The following ATP2A2 variants were observed in gnomAD, a reference collection of about 807,000 sequenced individuals.
ATP2A2 encodes the protein ATPase sarcoplasmic/endoplasmic reticulum Ca2+ transporting 2.
Under a neutral mutation model 109.3 loss-of-function variants are expected in ATP2A2, and 14 were observed. That is an observed-to-expected ratio of 0.13 (90% CI 0.08 to 0.20). The LOEUF (loss-of-function observed/expected upper bound fraction) is 0.20, where lower values mean the gene tolerates loss of function less well. Among genes scored for constraint, ATP2A2 ranks in the 10% least tolerant of loss-of-function variants. The pLI, the probability that ATP2A2 is intolerant of heterozygous loss-of-function variation, is 1.00. For synonymous variants in ATP2A2, 506 were observed against 490.9 expected, an observed-to-expected ratio of 1.03 and a Z score of -0.41; for missense variants, 657 against 1,321.6, an observed-to-expected ratio of 0.50 and a Z score of 7.80.
At chr12:110,338,104 C>G (rs1361327053) in intron 11 of ATP2A2, among the ~76,000 whole-genome samples, 1 of 152,190 alleles carries the variant, frequency 6.6e-6, no homozygotes, top group Non-Finnish European at 1.5e-5. Flanking sequence ...CATTCGAGGT[C>G]TTTGTAGCTG....
At chr12:110,292,483 G>C (rs1442909779) in intron 4 of ATP2A2, among the ~76,000 whole-genome samples, 3 of 151,968 alleles carry the variant, frequency 2.0e-5, no homozygotes, top group African/African-American at 7.3e-5. Context: ...TGGCCAGGCT[G>C]GTCTTGAGCT....
At chr12:110,333,082 TTC>T in intron 9 of ATP2A2, 97 bp from the exon 10 acceptor site, 1 of 1,068,424 alleles carries the variant, frequency 9.4e-7, no homozygotes, top group Non-Finnish European at 1.4e-6. Context: ...GTCCCAGAAA[TTC>T]TGTTTTCATT....
chr12:110,350,759 TTTGC>T lies in ATP2A2; in HGVS notation c.*4292_*4295del, dbSNP rs538523828. 9.0e-5 allele frequency: 16 copies of T among 178,156 alleles called. No individual in the cohort carries two copies. The South Asian group carries it at 1.5e-3, about 17-fold the overall frequency. 11.0% of individuals were successfully genotyped at this position (178,156 alleles called of 1,614,324 possible). ...CTACTTTTTAATTGGCCCTGTACAG[TTTGC>T]TTATTTATAAATTCATTAAAAACAC... On this transcript the variant is annotated 3_prime_UTR_variant, in exon 20 of 20. Transcript: ENST00000539276.
At position 110,281,732 on chromosome 12, in the gene ATP2A2, A is replaced by T. The variant is rs1157966692; in HGVS notation, c.-58A>T. ...GGCACGAGCCCGCGGCCGGAGTGCGAGGCGGAGGCGAGGAGGCCGCGGGGA... is the reference window on the plus strand; with the variant it reads ...GGCACGAGCCCGCGGCCGGAGTGCGTGGCGGAGGCGAGGAGGCCGCGGGGA... On this transcript the variant is annotated 5_prime_UTR_variant, in exon 1 of 20. Coordinates refer to ENST00000539276, the MANE Select transcript of ATP2A2 (RefSeq NM_170665.4). 6 of 1,287,310 alleles carry T rather than the reference A, an allele frequency of 4.7e-6. No individual in the cohort carries two copies. The highest frequency in any genetic ancestry group is 5.2e-6 in the Non-Finnish European group (5 of 966,816). 79.7% of individuals were successfully genotyped at this position (1,287,310 alleles called of 1,614,324 possible). A position where few individuals can be genotyped will look rare whatever the true frequency, so the allele number is the denominator to read the frequency against.
At chr12:110,282,008 C>T (rs1872149914) in intron 1 of ATP2A2, 101 bp downstream of exon 1, 6 of 917,872 alleles carry the variant, frequency 6.5e-6, no homozygotes, top group Non-Finnish European at 9.2e-6. Flanking sequence ...TCCGCGCCCG[C>T]CGACAGCTGC....
intron 5 of ATP2A2, among the ~76,000 whole-genome samples, chr12:110,319,107 G>A (rs755742430): frequency 1.4e-4 from 22 of 151,778 alleles, no homozygotes; most frequent in Non-Finnish European, 2.8e-4. Context: ...TACTTGGGAG[G>A]CTGAGGTGGG....
chr12:110,334,441 A>G, intron 11 of ATP2A2: 4 of 452,526 alleles, frequency 8.8e-6, no homozygotes, highest in Non-Finnish European at 1.6e-5. Flanking sequence ...CCTCCTCCCA[A>G]CATCTTTGCT....
At chr12:110,313,782 A>G (rs1157730007) in intron 5 of ATP2A2, among the ~76,000 whole-genome samples, 1 of 139,286 alleles carries the variant, frequency 7.2e-6, no homozygotes, top group Non-Finnish European at 1.5e-5. Flanking sequence ...GCAATCTTGG[A>G]CCACTGGAAC....
rs1050066094 is a variant in ATP2A2, at chr12:110,346,592, A to C, written c.*122A>C. On this transcript the variant is annotated 3_prime_UTR_variant, in exon 20 of 20. Coordinates refer to ENST00000539276, the MANE Select transcript of ATP2A2 (RefSeq NM_170665.4). ...TACTGGCTGGTGATGGAGGTTTCAT[A>C]CTCTAGATTTTGTTTTGCTTTTTCT... The C allele has an allele frequency of 6.6e-7, 1 of 1,521,726 alleles. No individual in the cohort carries two copies. Among genetic ancestry groups the C allele is most frequent in the African/African-American group, 1.4e-5 (1 of 71,914 alleles). The allele number at this position is 1,521,726 out of a possible 1,614,324, so 94.3% of individuals were successfully genotyped here.
At chr12:110,343,083 T>G in intron 15 of ATP2A2, 149 bp from the exon 16 acceptor site, 1 of 862,854 alleles carries the variant, frequency 1.2e-6, no homozygotes, top group South Asian at 1.5e-5. Flanking sequence ...AAATTGAGCT[T>G]TAATTCAAAA....
intron 5 of ATP2A2, among the ~76,000 whole-genome samples, chr12:110,303,665 C>T (rs1394857108): frequency 6.6e-6 from 1 of 152,186 alleles, no homozygotes; most frequent in Non-Finnish European, 1.5e-5. Flanking sequence ...CCTCCTCGGC[C>T]TCCCAAAGTG....
At chr12:110,337,287 G>GC (rs1350210572) in intron 11 of ATP2A2, among the ~76,000 whole-genome samples, 6 of 152,122 alleles carry the variant, frequency 3.9e-5, no homozygotes, top group Admixed American at 2.0e-4. Context: ...CAGCATTTTG[G>GC]CCCCATGGCT....
At chr12:110,338,902 A>G (rs1879097655) in intron 11 of ATP2A2, among the ~76,000 whole-genome samples, 1 of 152,152 alleles carries the variant, frequency 6.6e-6, no homozygotes. Context: ...CCATTCCAGG[A>G]CTTGCCAGGT....
At chr12:110,341,926 A>G (rs1879395315) in intron 14 of ATP2A2, among the ~76,000 whole-genome samples, 1 of 152,186 alleles carries the variant, frequency 6.6e-6, no homozygotes, top group Non-Finnish European at 1.5e-5. Flanking sequence ...AAATTTATCC[A>G]TGTGGATACA....
chr12:110,287,611 A>T (rs921714307), intron 3 of ATP2A2, among the ~76,000 whole-genome samples: 9 of 152,008 alleles, frequency 5.9e-5, no homozygotes, highest in African/African-American at 1.9e-4. Flanking sequence ...GAAGCTTGTT[A>T]CCTTTTCGCT....
chr12:110,305,621 CA>C (rs1389110046), intron 5 of ATP2A2, among the ~76,000 whole-genome samples: 1 of 152,196 alleles, frequency 6.6e-6, no homozygotes, highest in African/African-American at 2.4e-5. Flanking sequence ...AGGTCAGTAC[CA>C]TACTGTCTTG....
rs983622833 is a variant in ATP2A2 at position 110,281,552 on chromosome 12, T to C, written c.-238T>C. On this transcript the variant is annotated 5_prime_UTR_variant, in exon 1 of 20. Transcript: ENST00000539276. ...TCCCTTCTGGCGAGGGGAGGGAGGG[T>C]GGGTCAGGAGCCCCCAACCCGCCCT... is the stretch of plus-strand genomic sequence containing the variant. 1 of 230,716 alleles carries C rather than the reference T, an allele frequency of 4.3e-6. No homozygotes were observed. The highest frequency in any genetic ancestry group is 1.5e-4 in the South Asian group (1 of 6,626). 14.3% of individuals were successfully genotyped at this position (230,716 alleles called of 1,614,324 possible). A position where few individuals can be genotyped will look rare whatever the true frequency, so the allele number is the denominator to read the frequency against.
chr12:110,333,420 C>T, intron 10 of ATP2A2, 137 bp downstream of exon 10: 1 of 804,686 alleles, frequency 1.2e-6, no homozygotes, highest in South Asian at 1.4e-5. Flanking sequence ...CATTCAGAAC[C>T]TGATGGTGGG....
At chr12:110,290,986 G>T (rs143260994) in intron 3 of ATP2A2, among the ~76,000 whole-genome samples, 3 of 151,792 alleles carry the variant, frequency 2.0e-5, no homozygotes, top group African/African-American at 4.8e-5. Context: ...TTGGCTCACC[G>T]CAACCTCTGC....
Sources: allele counts gnomAD v4.1 joint callset (sites outside exome capture counted in the v4.1 genomes callset), GRCh38; gene constraint gnomAD v4.1.1; transcripts MANE v1.5; gene names NCBI Gene and HGNC (gene_info 2026-07-23, HGNC 2026-07-21).